RAP1GAP2: variants seen among roughly 807,000 people sequenced by gnomAD.
The protein encoded by RAP1GAP2 is RAP1 GTPase activating protein 2, also known as rap1 GTPase-activating protein 2.
RAP1GAP2 carries 27 observed loss-of-function variants against 95.0 expected under a neutral mutation model. That is an observed-to-expected ratio of 0.28 (90% CI 0.21 to 0.39). The LOEUF (loss-of-function observed/expected upper bound fraction) is 0.39, where lower values mean the gene tolerates loss of function less well. Among genes scored for constraint, RAP1GAP2 ranks in the 10% least tolerant of loss-of-function variants. The pLI is 1.00. For missense variants in RAP1GAP2, 771 were observed against 970.0 expected (o/e 0.79, Z 2.72); for synonymous variants, 373 against 380.9 (o/e 0.98, Z 0.24).
chr17:2,963,797 C>A lies in RAP1GAP2; in HGVS notation c.280-59C>A. 1 of 1,418,562 alleles carries A rather than the reference C, an allele frequency of 7.0e-7. No homozygotes were observed. Among genetic ancestry groups the A allele is most frequent in the Non-Finnish European group, 9.5e-7 (1 of 1,048,348 alleles). The allele number at this position is 1,418,562 out of a possible 1,614,324, so 87.9% of individuals were successfully genotyped here. On this transcript the variant is annotated intron_variant, in intron 6 of 24. Coordinates refer to ENST00000254695, the MANE Select transcript of RAP1GAP2 (RefSeq NM_015085.5). The surrounding 1 kb of genome is among the most constrained non-coding windows in gnomAD (Gnocchi z 4.8). ...GAGCAGCGCAGAGGGGACACCGCCACCGGCCCCCTCCCTCCCCTGCGGTCC... is the reference window on the plus strand; with the variant it reads ...GAGCAGCGCAGAGGGGACACCGCCAACGGCCCCCTCCCTCCCCTGCGGTCC...
At chr17:2,892,461 C>T (rs2073756488) in intron 2 of RAP1GAP2, among the ~76,000 whole-genome samples, 1 of 152,124 alleles carries the variant, frequency 6.6e-6, no homozygotes, top group Admixed American at 6.6e-5. Context: ...TTGGGTGGCT[C>T]AGATGGCTGG....
At position 2,842,550 on chromosome 17, in the gene RAP1GAP2, AAAT is replaced by A. The variant is rs1251985277; in HGVS notation, c.80+42002_80+42004del. On this transcript the variant is annotated intron_variant, in intron 2 of 24. Coordinates refer to ENST00000254695, the MANE Select transcript of RAP1GAP2 (RefSeq NM_015085.5). ...GTCTCAAAAAAAAAAAAAAAAAAAA[AAAT>A]ACCACTTTTACTACCCTCTAGGAAT... Among the ~76,000 whole-genome samples, 3 of 54,762 alleles carry A rather than the reference AAAT, an allele frequency of 5.5e-5. No individual in the cohort carries two copies. In the African/African-American group the frequency reaches 5.9e-4, roughly 11 times the overall value. The allele number at this position is 54,762 out of a possible 152,430, so 35.9% of individuals were successfully genotyped here.
rs1293081911 is a variant in RAP1GAP2 at position 2,904,385 on chromosome 17, A to AACTTGTCG, written c.81-898_81-891dup. On this transcript the variant is annotated intron_variant, in intron 2 of 24. Transcript: ENST00000254695. The surrounding 1 kb of genome is among the most constrained non-coding windows in gnomAD (Gnocchi z 4.7). ...AAGTGGGGAGTGTGTGAGCGCGGCA[A>AACTTGTCG]ACTTGTCGCAGTCATGTTGCCATGG... Among the ~76,000 whole-genome samples, 2 of 152,164 alleles carry AACTTGTCG rather than the reference A, an allele frequency of 1.3e-5. No homozygotes were observed. Among genetic ancestry groups the AACTTGTCG allele is most frequent in the Non-Finnish European group, 2.9e-5 (2 of 68,036 alleles).
chr17:2,804,511 C>T (rs1004541398), intron 2 of RAP1GAP2, among the ~76,000 whole-genome samples: 13 of 152,254 alleles, frequency 8.5e-5, no homozygotes, highest in South Asian at 4.2e-4. Flanking sequence ...ACCTGCCTCC[C>T]GCCCTACTTT....
intron 19 of RAP1GAP2, among the ~76,000 whole-genome samples, chr17:3,022,344 A>G (rs936815131): frequency 6.6e-6 from 1 of 152,350 alleles, no homozygotes; most frequent in East Asian, 1.9e-4. Flanking sequence ...TACTTTGGAA[A>G]ACAGTCTGGC....
intron 2 of RAP1GAP2, among the ~76,000 whole-genome samples, chr17:2,810,515 C>T (rs1380618970): frequency 1.2e-4 from 18 of 148,412 alleles, no homozygotes; most frequent in African/African-American, 4.2e-4. Flanking sequence ...TCCCCTGTCC[C>T]CCCACCCTTT....
intron 2 of RAP1GAP2, among the ~76,000 whole-genome samples, chr17:2,834,351 G>A (rs1187798456): frequency 1.3e-5 from 2 of 152,198 alleles, no homozygotes; most frequent in Admixed American, 1.3e-4. Context: ...CTAGTTCAGG[G>A]GTTTTGTCTG....
At position 2,902,243 on chromosome 17, in the gene RAP1GAP2, G is replaced by T. The variant is rs1401783344; in HGVS notation, c.81-3041G>T. 1.3e-5 allele frequency among the ~76,000 whole-genome samples: 2 copies of T among 150,604 alleles called. No homozygotes were observed. The highest frequency in any genetic ancestry group is 3.9e-4 in the East Asian group (2 of 5,138). On this transcript the variant is annotated intron_variant, in intron 2 of 24. Coordinates refer to ENST00000254695, the MANE Select transcript of RAP1GAP2 (RefSeq NM_015085.5). The surrounding 1 kb of genome is among the most constrained non-coding windows in gnomAD (Gnocchi z 4.1). ...TTCTTTTTTTTTTTTTTGAGATGGA[G>T]TCTTGCTCTGTCACCCGAGCTGGAG...
intron 3 of RAP1GAP2, among the ~76,000 whole-genome samples, chr17:2,922,045 C>G (rs898457329): frequency 6.6e-6 from 1 of 152,234 alleles, no homozygotes; most frequent in Admixed American, 6.5e-5. Flanking sequence ...CCAACTGTTA[C>G]AACAAAATAC....
chr17:2,841,803 C>T (rs1264591778), intron 2 of RAP1GAP2, among the ~76,000 whole-genome samples: 1 of 152,160 alleles, frequency 6.6e-6, no homozygotes, highest in Non-Finnish European at 1.5e-5. Flanking sequence ...GTCTCAGACA[C>T]AGCGCAGAGG....
intron 1 of RAP1GAP2, among the ~76,000 whole-genome samples, chr17:2,784,750 A>T (rs1278279098): frequency 6.6e-6 from 1 of 152,072 alleles, no homozygotes; most frequent in Non-Finnish European, 1.5e-5. Flanking sequence ...TGAATGGGAA[A>T]GGCCTTTTCT....
intron 10 of RAP1GAP2, 86 bp from the exon 11 acceptor site, chr17:2,984,897 A>T (rs868348531): frequency 1.3e-6 from 2 of 1,572,690 alleles, no homozygotes; most frequent in East Asian, 4.5e-5. Flanking sequence ...TCTCTCCCCA[A>T]ATGGATGCTT....
At chr17:2,842,171 A>C (rs1567699598) in intron 2 of RAP1GAP2, among the ~76,000 whole-genome samples, 2 of 152,164 alleles carry the variant, frequency 1.3e-5, no homozygotes, top group Non-Finnish European at 2.9e-5. Flanking sequence ...ACGCTTGGGT[A>C]ATAGGTGAAT....
intron 8 of RAP1GAP2, among the ~76,000 whole-genome samples, chr17:2,976,278 C>A (rs568173684): frequency 6.6e-6 from 1 of 152,268 alleles, no homozygotes; most frequent in South Asian, 2.1e-4. Flanking sequence ...GAAAAAAATA[C>A]ATTTTTTCAA....
chr17:2,902,775 G>A lies in RAP1GAP2; in HGVS notation c.81-2509G>A, dbSNP rs527396774. ...GCTTATCCAGTGTCCAGTAGAGACC[G>A]GCCCCAGGAGCTTATCCAGCATCCA... is the stretch of plus-strand genomic sequence containing the variant. On this transcript the variant is annotated intron_variant, in intron 2 of 24. Coordinates refer to ENST00000254695, the MANE Select transcript of RAP1GAP2 (RefSeq NM_015085.5). The surrounding 1 kb of genome is among the most constrained non-coding windows in gnomAD (Gnocchi z 4.1). Among the ~76,000 whole-genome samples, 391 of 152,294 alleles carry A rather than the reference G, an allele frequency of 2.6e-3. 1 individual carries two copies. The highest frequency in any genetic ancestry group is 0.013 in the Admixed American group (203 of 15,284).
At position 2,870,241 on chromosome 17, in the gene RAP1GAP2, C is replaced by T. The variant is rs2072788785; in HGVS notation, c.81-35043C>T. ...AGTGATTCTCCTTGCCTTAGCCTCCCGAGTAGCTGGGATTACAGGCGCCCA... is the reference window on the plus strand; with the variant it reads ...AGTGATTCTCCTTGCCTTAGCCTCCTGAGTAGCTGGGATTACAGGCGCCCA... On this transcript the variant is annotated intron_variant, in intron 2 of 24. Coordinates refer to ENST00000254695, the MANE Select transcript of RAP1GAP2 (RefSeq NM_015085.5). This position sits in a 1 kb window ranked among gnomAD's most constrained non-coding sequence, Gnocchi z 4.4. Among the ~76,000 whole-genome samples the T allele has an allele frequency of 6.6e-6, 1 of 151,810 alleles. No individual in the cohort carries two copies. The highest frequency in any genetic ancestry group is 2.1e-4 in the South Asian group (1 of 4,798).
intron 3 of RAP1GAP2, among the ~76,000 whole-genome samples, chr17:2,905,611 T>C (rs1196535947): frequency 6.6e-6 from 1 of 152,124 alleles, no homozygotes; most frequent in African/African-American, 2.4e-5. Context: ...GGCAGGACTC[T>C]TGGTAATTGG....
intron 2 of RAP1GAP2, among the ~76,000 whole-genome samples, chr17:2,888,413 C>T (rs2073574114): frequency 6.6e-6 from 1 of 152,124 alleles, no homozygotes. Context: ...TCTCCCTAAC[C>T]CCTCTCTTTC....
chr17:3,024,083 G>A (rs939328252), intron 19 of RAP1GAP2, among the ~76,000 whole-genome samples: 9 of 152,136 alleles, frequency 5.9e-5, no homozygotes, highest in African/African-American at 2.2e-4. Context: ...ACTGATTAAC[G>A]ATTGCTTAAT....
Sources: allele counts gnomAD v4.1 joint callset (sites outside exome capture counted in the v4.1 genomes callset), GRCh38; gene constraint gnomAD v4.1.1; non-coding constraint Gnocchi (gnomAD v3.1); transcripts MANE v1.5; gene names NCBI Gene and HGNC (gene_info 2026-07-23, HGNC 2026-07-21).